NTM: variants seen among roughly 807,000 people sequenced by gnomAD.
NTM encodes the protein IgLON family member 2.
NTM carries 13 observed loss-of-function variants against 42.1 expected under a neutral mutation model. That is an observed-to-expected ratio of 0.31 (90% confidence interval 0.20 to 0.49). NTM has a LOEUF of 0.49. Among genes scored for constraint, NTM ranks in the 20% least tolerant of loss-of-function variants. NTM has a pLI of 0.99. For synonymous variants in NTM, 187 were observed against 179.2 expected (o/e 1.04, Z -0.35); for missense variants, 373 against 452.8 (o/e 0.82, Z 1.60).
intron 2 of NTM, among the ~76,000 whole-genome samples, chr11:132,038,382 G>T (rs2076765315): frequency 6.6e-6 from 1 of 152,100 alleles, no homozygotes; most frequent in Non-Finnish European, 1.5e-5. Context: ...GGGTGTGATT[G>T]AGGACAGTTT....
chr11:132,207,910 A>G (rs1023610855), intron 3 of NTM, among the ~76,000 whole-genome samples: 1 of 152,184 alleles, frequency 6.6e-6, no homozygotes, highest in African/African-American at 2.4e-5. Context: ...ACCATACATT[A>G]GAATATTAGG....
intron 2 of NTM, 53 bp downstream of exon 2, chr11:131,911,701 A>T: frequency 6.3e-7 from 1 of 1,597,266 alleles, no homozygotes; most frequent in African/African-American, 1.3e-5. Context: ...GGTCGGGGTA[A>T]GGGGCAGGGG....
At chr11:131,493,329 A>G (rs969292599) in intron 1 of NTM, among the ~76,000 whole-genome samples, 2 of 152,194 alleles carry the variant, frequency 1.3e-5, no homozygotes, top group East Asian at 1.9e-4. Context: ...AAGATCATGG[A>G]ACCATACATT....
intron 1 of NTM, among the ~76,000 whole-genome samples, chr11:131,467,847 A>G (rs1022267042): frequency 9.9e-5 from 15 of 152,140 alleles, no homozygotes; most frequent in African/African-American, 3.6e-4. Context: ...AGAGTCTGTG[A>G]CCTCTGAGTG....
intron 4 of NTM, among the ~76,000 whole-genome samples, chr11:132,244,718 A>G (rs2090802653): frequency 6.6e-6 from 1 of 152,174 alleles, no homozygotes; most frequent in Non-Finnish European, 1.5e-5. Flanking sequence ...GCAGGTGCAC[A>G]GGCCCCTATG....
At chr11:131,922,453 G>A (rs1486040493) in intron 2 of NTM, among the ~76,000 whole-genome samples, 2 of 152,172 alleles carry the variant, frequency 1.3e-5, no homozygotes, top group Admixed American at 6.5e-5. Flanking sequence ...ACTGGACCAC[G>A]GCCAGCTACT....
At chr11:131,579,533 A>G (rs2058215849) in intron 1 of NTM, among the ~76,000 whole-genome samples, 1 of 152,198 alleles carries the variant, frequency 6.6e-6, no homozygotes, top group Non-Finnish European at 1.5e-5. Context: ...ATAATATGTG[A>G]GCAAACAAAA....
chr11:132,153,938 A>G (rs1047872478), intron 3 of NTM, among the ~76,000 whole-genome samples: 8 of 152,214 alleles, frequency 5.3e-5, no homozygotes, highest in African/African-American at 1.7e-4. Flanking sequence ...ACAAAACTAC[A>G]AAGTTATATT....
intron 1 of NTM, among the ~76,000 whole-genome samples, chr11:131,432,839 C>CATTTTTTTTTTTTTT (rs1565494793): frequency 2.5e-4 from 17 of 68,692 alleles, no homozygotes; most frequent in Non-Finnish European, 3.9e-4. Context: ...ATTTAGCATT[C>CATTTTTTTTTTTTTT]TTTTTTTTTT....
intron 2 of NTM, among the ~76,000 whole-genome samples, chr11:131,934,582 A>G (rs2059009090): frequency 6.6e-6 from 1 of 152,220 alleles, no homozygotes; most frequent in African/African-American, 2.4e-5. Context: ...GAGAGGAGAT[A>G]GTAACAAACA....
At chr11:131,582,343 C>G (rs911059026) in intron 1 of NTM, 3 of 152,224 alleles carry the variant, frequency 2.0e-5, no homozygotes, top group African/African-American at 7.2e-5. Context: ...TCTTCCTGCT[C>G]GTCAGCTGGG....
rs367965326 is a variant in NTM at position 132,003,425 on chromosome 11, A to G, written c.167+91777A>G. Among the ~76,000 whole-genome samples, 18 of 151,994 alleles carry G rather than the reference A, an allele frequency of 1.2e-4. No homozygotes were observed. The South Asian group carries it at 3.3e-3, about 28-fold the overall frequency. On this transcript the variant is annotated intron_variant, in intron 2 of 8. Transcript: ENST00000683400. This position sits in a 1 kb window ranked among gnomAD's most constrained non-coding sequence, Gnocchi z 6.0. ...TATGTCTGGCTAATTTTTAAATTTTATGTAGAGACAGACTGTCCTTATATT... is the reference window on the plus strand; with the variant it reads ...TATGTCTGGCTAATTTTTAAATTTTGTGTAGAGACAGACTGTCCTTATATT...
intron 1 of NTM, among the ~76,000 whole-genome samples, chr11:131,825,458 G>A (rs965552328): frequency 2.0e-5 from 3 of 152,148 alleles, no homozygotes; most frequent in African/African-American, 4.8e-5. Context: ...AGCACTTGAT[G>A]TCTTTGGCTT....
chr11:131,722,474 C>T (rs896539365), intron 1 of NTM, among the ~76,000 whole-genome samples: 1 of 152,234 alleles, frequency 6.6e-6, no homozygotes, highest in African/African-American at 2.4e-5. Flanking sequence ...AATGATTGAA[C>T]ACTTACTTTA....
At chr11:131,651,875 T>C (rs964632326) in intron 1 of NTM, among the ~76,000 whole-genome samples, 6 of 32,876 alleles carry the variant, frequency 1.8e-4, no homozygotes, top group Admixed American at 3.8e-4. Flanking sequence ...AAAAAAAATA[T>C]CATAAAAAGC....
At chr11:131,854,712 T>A (rs142104545) in intron 1 of NTM, among the ~76,000 whole-genome samples, 1 of 152,274 alleles carries the variant, frequency 6.6e-6, no homozygotes, top group East Asian at 1.9e-4. Context: ...ATGGGAAGAC[T>A]TTGCAGGTTT....
intron 2 of NTM, among the ~76,000 whole-genome samples, chr11:132,139,874 C>T (rs538426472): frequency 6.6e-6 from 1 of 152,148 alleles, no homozygotes; most frequent in Non-Finnish European, 1.5e-5. Flanking sequence ...GTACTCTACA[C>T]AATGTTCTGT....
At chr11:131,697,574 G>T (rs755166305) in intron 1 of NTM, among the ~76,000 whole-genome samples, 23 of 152,044 alleles carry the variant, frequency 1.5e-4, no homozygotes, top group Non-Finnish European at 3.4e-4. Context: ...GACTTTCCGG[G>T]ATTTATCTTC....
chr11:132,205,930 C>T (rs1424556594), intron 3 of NTM, among the ~76,000 whole-genome samples: 1 of 152,108 alleles, frequency 6.6e-6, no homozygotes, highest in Admixed American at 6.6e-5. Context: ...AAGTAGTTCC[C>T]CCTAGAAGGT....
Sources: gnomAD v4.1 joint callset for allele counts (sites outside exome capture counted in the v4.1 genomes callset) on GRCh38, gnomAD v4.1.1 for gene constraint, Gnocchi (gnomAD v3.1) non-coding constraint, MANE v1.5 for transcripts, NCBI Gene and HGNC (gene_info 2026-07-23, HGNC 2026-07-21) for gene names.